GREM2: variants seen among roughly 807,000 people sequenced by gnomAD.
The protein encoded by GREM2 is gremlin-2.
In GREM2, 11 loss-of-function variants were observed where a neutral mutation model predicts 14.2. The observed-to-expected ratio is 0.78, with a 90% CI of 0.49 to 1.28. GREM2 has a LOEUF of 1.28. Ranked by LOEUF, GREM2 falls within the 50% of genes most tolerant of loss-of-function variation. The pLI is 0.00. For synonymous variants in GREM2, 98 were observed against 97.6 expected (o/e 1.00, Z -0.02); for missense variants, 210 against 218.5 (o/e 0.96, Z 0.24).
At chr1:240,566,903 A>G (rs1679183997) in intron 1 of GREM2, among the ~76,000 whole-genome samples, 1 of 152,206 alleles carries the variant, frequency 6.6e-6, no homozygotes, top group African/African-American at 2.4e-5. Context: ...AAAGCAATCA[A>G]CTGAAATGAA....
intron 1 of GREM2, among the ~76,000 whole-genome samples, chr1:240,602,233 T>C (rs1679938116): frequency 6.6e-6 from 1 of 152,206 alleles, no homozygotes; most frequent in Non-Finnish European, 1.5e-5. Context: ...AGGTTGCTTG[T>C]CTTATCATTA....
intron 1 of GREM2, among the ~76,000 whole-genome samples, chr1:240,525,081 G>T: frequency 6.6e-6 from 1 of 152,154 alleles, no homozygotes; most frequent in East Asian, 1.9e-4. Flanking sequence ...CCTAGTGGGT[G>T]CAGGCCCTAA....
chr1:240,605,652 C>A (rs1191775835), intron 1 of GREM2, among the ~76,000 whole-genome samples: 1 of 151,908 alleles, frequency 6.6e-6, no homozygotes, highest in Non-Finnish European at 1.5e-5. Context: ...ACAGCGTTTC[C>A]AGAATTTTCA....
chr1:240,522,608 C>T (rs556858621), intron 1 of GREM2, among the ~76,000 whole-genome samples: 1 of 152,180 alleles, frequency 6.6e-6, no homozygotes, highest in African/African-American at 2.4e-5. Context: ...TGAATGTTTG[C>T]CCTTGCCCCT....
chr1:240,521,439 G>A (rs74704767), intron 1 of GREM2, among the ~76,000 whole-genome samples: 1 of 149,620 alleles, frequency 6.7e-6, no homozygotes, highest in African/African-American at 2.5e-5. Context: ...GGCATGGTGA[G>A]GGGCGACTGT....
intron 1 of GREM2, among the ~76,000 whole-genome samples, chr1:240,532,817 C>T (rs952774094): frequency 2.0e-5 from 3 of 152,210 alleles, no homozygotes; most frequent in Non-Finnish European, 2.9e-5. Flanking sequence ...AGATAGGAGT[C>T]AAACCCAGTT....
intron 1 of GREM2, among the ~76,000 whole-genome samples, chr1:240,594,328 T>C (rs1679773138): frequency 6.6e-6 from 1 of 152,200 alleles, no homozygotes; most frequent in African/African-American, 2.4e-5. Context: ...GCAATATTCA[T>C]GCCACACGTG....
At chr1:240,602,884 T>G (rs1005061223) in intron 1 of GREM2, among the ~76,000 whole-genome samples, 1 of 151,412 alleles carries the variant, frequency 6.6e-6, no homozygotes, top group African/African-American at 2.4e-5. Context: ...CCATCCTGGC[T>G]AACATGGTGA....
At chr1:240,607,768 C>CTGAAACTAA (rs1246377185) in intron 1 of GREM2, among the ~76,000 whole-genome samples, 1 of 152,178 alleles carries the variant, frequency 6.6e-6, no homozygotes, top group Non-Finnish European at 1.5e-5. Context: ...CTAAATCAAT[C>CTGAAACTAA]AATATTCCAT....
At chr1:240,518,356 A>G (rs2103299595) in intron 1 of GREM2, among the ~76,000 whole-genome samples, 1 of 152,344 alleles carries the variant, frequency 6.6e-6, no homozygotes, top group African/African-American at 2.4e-5. Context: ...GCCGTTTTGA[A>G]ATATTATCAT....
At chr1:240,611,277 A>G (rs1464460119) in intron 1 of GREM2, among the ~76,000 whole-genome samples, 1 of 152,218 alleles carries the variant, frequency 6.6e-6, no homozygotes, top group African/African-American at 2.4e-5. Flanking sequence ...ACAATGTAGA[A>G]ATAAGTCAGG....
At chr1:240,502,543 C>T (rs534183032) in intron 1 of GREM2, among the ~76,000 whole-genome samples, 47 of 152,298 alleles carry the variant, frequency 3.1e-4, no homozygotes, top group African/African-American at 1.1e-3. Context: ...TAGCTCTCTG[C>T]TCATGACTCA....
At chr1:240,494,220 G>A (rs1055093943) in intron 1 of GREM2, among the ~76,000 whole-genome samples, 1 of 152,166 alleles carries the variant, frequency 6.6e-6, no homozygotes, top group Non-Finnish European at 1.5e-5. Context: ...AGTTGGAGGT[G>A]GTATTATGAC....
intron 1 of GREM2, chr1:240,531,812 G>A (rs986514096): frequency 8.3e-6 from 3 of 360,154 alleles, no homozygotes; most frequent in African/African-American, 6.7e-5. Context: ...GTGTTCAAGC[G>A]ATTCTCCTGC....
rs1035974069 is a variant in GREM2 at position 240,562,632 on chromosome 1, C to G, written c.-2+49252G>C. On this transcript the variant is annotated intron_variant, in intron 1 of 1. Transcript: ENST00000318160. Reference sequence around the variant, plus strand: ...AATGTCCTGGGATTTCCAATATCTCCAGAGGAAATTATATTTGACATAGGC... The same window carrying G: ...AATGTCCTGGGATTTCCAATATCTCGAGAGGAAATTATATTTGACATAGGC... Among the ~76,000 whole-genome samples the G allele has an allele frequency of 1.4e-4, 22 of 152,172 alleles. No homozygotes were observed. The South Asian group carries it at 2.1e-3, about 14-fold the overall frequency.
chr1:240,581,783 T>C (rs1679490596), intron 1 of GREM2, among the ~76,000 whole-genome samples: 1 of 152,272 alleles, frequency 6.6e-6, no homozygotes, highest in Admixed American at 6.5e-5. Context: ...ATAAAATTTT[T>C]CATACAGATA....
At chr1:240,587,855 C>T (rs2102861576) in intron 1 of GREM2, among the ~76,000 whole-genome samples, 1 of 152,256 alleles carries the variant, frequency 6.6e-6, no homozygotes, top group African/African-American at 2.4e-5. Flanking sequence ...TAGTATTATT[C>T]TCTTTGGCCT....
At chr1:240,515,218 G>A (rs1435473014) in intron 1 of GREM2, among the ~76,000 whole-genome samples, 1 of 152,162 alleles carries the variant, frequency 6.6e-6, no homozygotes, top group Admixed American at 6.5e-5. Flanking sequence ...CATTAAGCTT[G>A]CTCTTCAATA....
rs1209141157 is a variant in GREM2, at chr1:240,489,590, T to G, written c.*3379A>C. The G allele has an allele frequency of 6.6e-6, 1 of 152,266 alleles. No homozygotes were observed. Among genetic ancestry groups the G allele is most frequent in the Non-Finnish European group, 1.5e-5 (1 of 68,050 alleles). 9.4% of individuals were successfully genotyped at this position (152,266 alleles called of 1,614,324 possible). A position where few individuals can be genotyped will look rare whatever the true frequency, so the allele number is the denominator to read the frequency against. ...AAGACATCTTAGGCTGCTCTGCCTA[T>G]GAAGTAGGCATTCTTTATTCCTTTA... On this transcript the variant is annotated 3_prime_UTR_variant, in exon 2 of 2. Coordinates refer to ENST00000318160, the MANE Select transcript of GREM2 (RefSeq NM_022469.4).
Sources: gnomAD v4.1 joint callset for allele counts (sites outside exome capture counted in the v4.1 genomes callset) on GRCh38, gnomAD v4.1.1 for gene constraint, MANE v1.5 for transcripts, NCBI Gene and HGNC (gene_info 2026-07-23, HGNC 2026-07-21) for gene names.